DROSHA: variants seen among roughly 807,000 people sequenced by gnomAD.
DROSHA encodes the protein drosha ribonuclease III.
A neutral mutation model predicts 181.9 loss-of-function variants in DROSHA; 56 were observed. That is an observed-to-expected ratio of 0.31 (90% CI 0.25 to 0.38). The LOEUF (loss-of-function observed/expected upper bound fraction) is 0.38, where lower values mean the gene tolerates loss of function less well. DROSHA is among the 10% of genes least tolerant of loss of function. The pLI is 1.00. For missense variants in DROSHA, 1,218 were observed against 1,743.5 expected (o/e 0.70, Z 5.37); for synonymous variants, 524 against 591.2 (o/e 0.89, Z 1.65).
intron 9 of DROSHA, among the ~76,000 whole-genome samples, chr5:31,509,653 G>A (rs1248230017): frequency 6.6e-6 from 1 of 152,224 alleles, no homozygotes; most frequent in Non-Finnish European, 1.5e-5. Flanking sequence ...ATGCCACAGC[G>A]AAGGCTGGGA....
At chr5:31,472,042 T>C (rs751153879) in intron 17 of DROSHA, 21 bp downstream of exon 17, 1 of 1,595,312 alleles carries the variant, frequency 6.3e-7, no homozygotes, top group Admixed American at 1.7e-5. Flanking sequence ...AGCCTCTGAA[T>C]ATACAGACAC....
chr5:31,489,882 C>A (rs1752191061), intron 13 of DROSHA, among the ~76,000 whole-genome samples: 1 of 150,148 alleles, frequency 6.7e-6, no homozygotes, highest in Non-Finnish European at 1.5e-5. Context: ...CATTTTTTTT[C>A]TTTTTCTTTT....
chr5:31,530,526 C>G (rs759047252), intron 3 of DROSHA, among the ~76,000 whole-genome samples: 5 of 151,440 alleles, frequency 3.3e-5, no homozygotes, highest in Admixed American at 6.6e-5. Context: ...TAGTTCTTTG[C>G]TCCCGTTCTC....
chr5:31,423,077 G>A, intron 28 of DROSHA, 133 bp from the exon 29 acceptor site: 2 of 784,890 alleles, frequency 2.5e-6, no homozygotes, highest in South Asian at 2.3e-5. Context: ...AATAAAGCAT[G>A]GAAGCTCGTT....
chr5:31,466,391 A>C, intron 18 of DROSHA, 110 bp from the exon 19 acceptor site: 3 of 863,810 alleles, frequency 3.5e-6, no homozygotes, highest in Non-Finnish European at 5.6e-6. Flanking sequence ...CATTCTTTTG[A>C]TTATTCTTAA....
intron 35 of DROSHA, among the ~76,000 whole-genome samples, chr5:31,405,177 G>A (rs1370020080): frequency 6.6e-6 from 1 of 152,094 alleles, no homozygotes; most frequent in Non-Finnish European, 1.5e-5. Context: ...GACCAGCCGG[G>A]CCAATATGGT....
intron 23 of DROSHA, among the ~76,000 whole-genome samples, chr5:31,444,876 C>T (rs1746063480): frequency 6.6e-6 from 1 of 152,162 alleles, no homozygotes; most frequent in African/African-American, 2.4e-5. Flanking sequence ...TTTCTTTTTA[C>T]CTCTTGATTG....
chr5:31,453,503 C>T (rs1003880949), intron 20 of DROSHA, among the ~76,000 whole-genome samples: 1 of 152,118 alleles, frequency 6.6e-6, no homozygotes, highest in Non-Finnish European at 1.5e-5. Context: ...TGCGCCAGGC[C>T]CGAAAATTAC....
At chr5:31,494,760 T>C (rs934321717) in intron 12 of DROSHA, among the ~76,000 whole-genome samples, 2 of 152,068 alleles carry the variant, frequency 1.3e-5, no homozygotes, top group Non-Finnish European at 2.9e-5. Context: ...ATCTCGGCTC[T>C]GCCTCCTGGG....
chr5:31,423,883 T>C (rs1027191919), intron 28 of DROSHA, among the ~76,000 whole-genome samples: 4 of 152,204 alleles, frequency 2.6e-5, no homozygotes, highest in Non-Finnish European at 5.9e-5. Context: ...CCACCATATG[T>C]AGAGCTTTTA....
chr5:31,448,701 T>C, intron 22 of DROSHA, 94 bp from the exon 23 acceptor site: 2 of 927,904 alleles, frequency 2.2e-6, no homozygotes, highest in South Asian at 1.5e-5. Flanking sequence ...CTCATCTCAA[T>C]GTGATTTTAA....
intron 14 of DROSHA, 109 bp from the exon 15 acceptor site, chr5:31,485,071 CT>C: frequency 1.4e-6 from 1 of 719,920 alleles, no homozygotes; most frequent in Non-Finnish European, 2.3e-6. Flanking sequence ...TAAAACTATA[CT>C]AAGACCATAT....
In DROSHA at chr5:31,526,709, C is replaced by T. The variant is rs546365755; in HGVS notation, c.224G>A (p.Arg75Gln). The T allele has an allele frequency of 3.9e-6, 6 of 1,547,992 alleles. No individual in the cohort carries two copies. Among genetic ancestry groups the T allele is most frequent in the South Asian group, 1.3e-5 (1 of 79,230 alleles). ...NSPAPNFLPP[R>Q]PDFVPFPPPM... ...TGGGGGGAAGGGTACAAAGTCTGGT[C>T]GTGGAGGGAGAAAATTGGGGGCTGG... Residue 75 changes from arginine (R) to glutamine (Q), a missense_variant, in exon 5 of 36, where the codon CGA becomes CAA. Coordinates refer to ENST00000344624, the MANE Select transcript of DROSHA (RefSeq NM_001382508.1).
chr5:31,530,676 G>C (rs1255797773), intron 3 of DROSHA, 122 bp downstream of exon 3: 1 of 364,100 alleles, frequency 2.7e-6, no homozygotes, highest in African/African-American at 2.1e-5. Flanking sequence ...AATCTGCCCA[G>C]TGATTTTCTA....
chr5:31,490,921 G>A (rs1188145739), intron 13 of DROSHA, among the ~76,000 whole-genome samples: 3 of 151,728 alleles, frequency 2.0e-5, no homozygotes, highest in Non-Finnish European at 4.4e-5. Context: ...TAAAATATAT[G>A]CTGAAGCCAG....
intron 10 of DROSHA, among the ~76,000 whole-genome samples, chr5:31,505,077 G>A (rs1356938864): frequency 6.6e-6 from 1 of 152,216 alleles, no homozygotes; most frequent in African/African-American, 2.4e-5. Flanking sequence ...TACCTCACTA[G>A]CAGAGAGAAG....
intron 25 of DROSHA, among the ~76,000 whole-genome samples, chr5:31,433,695 C>T (rs2150003751): frequency 6.6e-6 from 1 of 152,264 alleles, no homozygotes; most frequent in Admixed American, 6.5e-5. Flanking sequence ...CAGGCGCCTG[C>T]CACCACGCCT....
chr5:31,412,141 T>G (rs1316393874), intron 30 of DROSHA, among the ~76,000 whole-genome samples: 2 of 152,060 alleles, frequency 1.3e-5, no homozygotes, highest in Non-Finnish European at 2.9e-5. Flanking sequence ...GCATTAACAC[T>G]CATTAACCAC....
rs200233009 is a variant in DROSHA at position 31,483,648 on chromosome 5, A to T, written c.1997-20T>A. ...AAGGACCTGAAGCAAACAAATGAGA[A>T]AAAAAAAAAAAAAAGAAAACTCAGT... On this transcript the variant is annotated intron_variant, in intron 15 of 35. Coordinates refer to ENST00000344624, the MANE Select transcript of DROSHA (RefSeq NM_001382508.1). 3.4e-6 allele frequency: 1 copy of T among 291,414 alleles called. No homozygotes were observed. The highest frequency in any genetic ancestry group is 4.2e-6 in the Non-Finnish European group (1 of 235,372). 18.1% of individuals were successfully genotyped at this position (291,414 alleles called of 1,614,324 possible).
Sources: allele counts gnomAD v4.1 joint callset (sites outside exome capture counted in the v4.1 genomes callset), GRCh38; gene constraint gnomAD v4.1.1; transcripts MANE v1.5; gene names NCBI Gene and HGNC (gene_info 2026-07-23, HGNC 2026-07-21).